The following FHOD1 variants were observed in gnomAD, a reference collection of about 807,000 sequenced individuals.
FHOD1 encodes the protein formin homology 2 domain containing 1.
Under a neutral mutation model 111.6 loss-of-function variants are expected in FHOD1, and 89 were observed. The ratio of observed to expected loss-of-function variants is 0.80; its 90% CI spans 0.67 to 0.95. The LOEUF is 0.95. Ranked by LOEUF, FHOD1 falls within the 40% of genes least tolerant of loss-of-function variation. The probability of loss-of-function intolerance (pLI) is 0.00; values close to 1 mark genes in which losing one functional copy is unlikely to be tolerated. For synonymous variants in FHOD1, 618 were observed against 639.0 expected, an observed-to-expected ratio of 0.97 and a Z score of 0.50; for missense variants, 1,446 against 1,554.2, an observed-to-expected ratio of 0.93 and a Z score of 1.17.
Position 67,239,419 on chromosome 16 carries a change from T to G in FHOD1, c.237A>C (p.Gly79=). 6.2e-7 allele frequency: 1 copy of G among 1,614,086 alleles called. No homozygotes were observed. The highest frequency in any genetic ancestry group is 8.5e-7 in the Non-Finnish European group (1 of 1,180,016). ...EDCALQVSPS[G]YYLDTELSLE... ...GGGACAGCTCGGTGTCCAGGTAGTA[T>G]CCGGAGGGAGACACTTGCAGAGCAC... Residue 79 remains glycine (G), a synonymous_variant, in exon 2 of 22, where the codon GGA becomes GGC. Coordinates refer to ENST00000258201, the MANE Select transcript of FHOD1 (RefSeq NM_013241.3).
rs1567387385 is a variant in FHOD1, at chr16:67,234,175, T to C, written c.1528A>G (p.Ser510Gly). ...APCVLLRAQR[S>G]LAPEPKEPLI... ...GGCTCCTTGGGCTCTGGTGCAAGGC[T>C]TCGCTGGGCCCGGAGCAGGACACAG... The change falls in exon 13 of 22, where the codon AGC becomes GGC. Residue 510 changes from serine (S) to glycine (G), a missense_variant. This residue lies in a region of FHOD1 where 1,085 missense variants were observed against 1,108.8 expected (regional missense o/e 0.98). Coordinates refer to ENST00000258201, the MANE Select transcript of FHOD1 (RefSeq NM_013241.3). The C allele has an allele frequency of 1.9e-6, 3 of 1,553,082 alleles. No individual in the cohort carries two copies. The highest frequency in any genetic ancestry group is 2.6e-6 in the Non-Finnish European group (3 of 1,147,542).
At chr16:67,240,873 G>A (rs1394123961) in intron 1 of FHOD1, among the ~76,000 whole-genome samples, 2 of 152,250 alleles carry the variant, frequency 1.3e-5, no homozygotes, top group African/African-American at 4.8e-5. Context: ...CTCTGGAGAG[G>A]CAGGGTGTCT....
chr16:67,245,617 C>T (rs894217703), intron 1 of FHOD1, among the ~76,000 whole-genome samples: 4 of 151,972 alleles, frequency 2.6e-5, no homozygotes, highest in Non-Finnish European at 5.9e-5. Flanking sequence ...TGGTGGCGCA[C>T]ACCTGTAATC....
At chr16:67,247,153 T>C in intron 1 of FHOD1, 57 bp downstream of exon 1, 1 of 1,459,720 alleles carries the variant, frequency 6.9e-7, no homozygotes, top group Non-Finnish European at 9.0e-7. Flanking sequence ...CCCACCAGTT[T>C]TCATGGCGCC....
chr16:67,236,359 A>G, intron 11 of FHOD1, 198 bp downstream of exon 11: 1 of 1,430,082 alleles, frequency 7.0e-7, no homozygotes, highest in Non-Finnish European at 9.1e-7. Flanking sequence ...AGGAAACCAC[A>G]GGAGGAGGAG....
In FHOD1 at chr16:67,234,199, A is replaced by AG; in HGVS notation, c.1503dup (p.Cys502LeufsTer26). On this transcript the variant is annotated frameshift_variant, in exon 13 of 22. Coordinates refer to ENST00000258201, the MANE Select transcript of FHOD1 (RefSeq NM_013241.3). LOFTEE classifies it high-confidence loss of function. ...CTTCGCTGGGCCCGGAGCAGGACAC[A>AG]GGGGGCAGGGCTCTGGGGTGTTCTG... is the stretch of plus-strand genomic sequence containing the variant. The AG allele has an allele frequency of 6.5e-7, 1 of 1,548,196 alleles. No homozygotes were observed. Among genetic ancestry groups the AG allele is most frequent in the South Asian group, 1.2e-5 (1 of 80,392 alleles).
chr16:67,238,827 A>G lies in FHOD1; in HGVS notation c.373+76T>C, dbSNP rs1224549145. Reference sequence around the variant, plus strand: ...GCTAAACCTACTTTGCTCACTGTTCAGCACAGGCCTGAAGGTGAGCCAACT... The same window carrying G: ...GCTAAACCTACTTTGCTCACTGTTCGGCACAGGCCTGAAGGTGAGCCAACT... On this transcript the variant is annotated intron_variant, in intron 3 of 21. Coordinates refer to ENST00000258201, the MANE Select transcript of FHOD1 (RefSeq NM_013241.3). The surrounding 1 kb of genome is among the most constrained non-coding windows in gnomAD (Gnocchi z 4.2). 2.0e-5 allele frequency: 28 copies of G among 1,430,410 alleles called. No individual in the cohort carries two copies. The highest frequency in any genetic ancestry group is 2.8e-5 in the Non-Finnish European group (28 of 1,012,428). The allele number at this position is 1,430,410 out of a possible 1,614,324, so 88.6% of individuals were successfully genotyped here.
chr16:67,237,378 A>G lies in FHOD1; in HGVS notation c.854T>C (p.Leu285Pro). Residue 285 changes from leucine to proline, a missense_variant, in exon 9 of 22, where the codon CTG becomes CCG. This residue lies in a region of FHOD1 where 234 missense variants were observed against 327.4 expected (regional missense o/e 0.71). Coordinates refer to ENST00000258201, the MANE Select transcript of FHOD1 (RefSeq NM_013241.3). This position sits in a 1 kb window ranked among gnomAD's most constrained non-coding sequence, Gnocchi z 5.6. ...VYTVTLINKT[L>P]AALPDQDSFY... ...GGAGTCCTGGTCCGGGAGCGCCGCCAGCGTCTGGAGGGCGGGGATAAGAAG... is the reference window on the plus strand; with the variant it reads ...GGAGTCCTGGTCCGGGAGCGCCGCCGGCGTCTGGAGGGCGGGGATAAGAAG... The G allele has an allele frequency of 2.5e-6, 4 of 1,613,810 alleles. No individual in the cohort carries two copies. Among genetic ancestry groups the G allele is most frequent in the Non-Finnish European group, 3.4e-6 (4 of 1,179,730 alleles).
intron 1 of FHOD1, among the ~76,000 whole-genome samples, chr16:67,242,686 G>GTC (rs2034700398): frequency 6.6e-6 from 1 of 152,054 alleles, no homozygotes; most frequent in African/African-American, 2.4e-5. Flanking sequence ...CACTTCTCTG[G>GTC]TCTCTGTCTT....
Position 67,238,064 on chromosome 16 carries a change from A to T in FHOD1, c.612T>A (p.Ile204=). The change falls in exon 6 of 22, where the codon ATT becomes ATA. Residue 204 remains isoleucine (I), a synonymous_variant. Coordinates refer to ENST00000258201, the MANE Select transcript of FHOD1 (RefSeq NM_013241.3). The surrounding 1 kb of genome is among the most constrained non-coding windows in gnomAD (Gnocchi z 4.2). Reference sequence around the variant, plus strand: ...TGGCACACAATGTGTACAGCCACTGAATAGTGTCACTGTGGGCCACCACCC... The same window carrying T: ...TGGCACACAATGTGTACAGCCACTGTATAGTGTCACTGTGGGCCACCACCC... ...MLGVVAHSDT[I]QWLYTLCASL... The T allele has an allele frequency of 6.2e-7, 1 of 1,614,210 alleles. No homozygotes were observed. Among genetic ancestry groups the T allele is most frequent in the Non-Finnish European group, 8.5e-7 (1 of 1,180,028 alleles).
Position 67,237,309 on chromosome 16 carries a change from G to A in FHOD1, c.923C>T (p.Ala308Val). The part of the protein sequence containing the change: ...TDALEQQGME[A>V]LVQRHLGTAG... ...AGTGCCCAGGTGGCGCTGGACCAGCGCTTCCATGCCCTGCTGCTCCAGTGC... is the reference window on the plus strand; with the variant it reads ...AGTGCCCAGGTGGCGCTGGACCAGCACTTCCATGCCCTGCTGCTCCAGTGC... The change falls in exon 9 of 22, where the codon GCG (alanine) becomes GTG (valine). Residue 308 changes from alanine (A) to valine (V), a missense_variant. By Grantham distance (64) the Ala-to-Val change is moderately conservative. Around this residue, in one of 3 missense-constraint regions of FHOD1, gnomAD observed 234 missense variants for 327.4 expected, o/e 0.71. Coordinates refer to ENST00000258201, the MANE Select transcript of FHOD1 (RefSeq NM_013241.3). The surrounding 1 kb of genome is among the most constrained non-coding windows in gnomAD (Gnocchi z 5.6). The A allele has an allele frequency of 1.2e-6, 2 of 1,614,006 alleles. No individual in the cohort carries two copies. The highest frequency in any genetic ancestry group is 1.7e-6 in the Non-Finnish European group (2 of 1,180,028).
chr16:67,230,020 C>T (rs1005111288), intron 20 of FHOD1, 30 bp from the exon 21 acceptor site: 17 of 1,612,988 alleles, frequency 1.1e-5, no homozygotes, highest in Middle Eastern at 3.3e-4. Context: ...AAAGTCAGGC[C>T]AAGGTGGCAC....
Position 67,238,802 on chromosome 16 carries a change from G to T in FHOD1, c.373+101C>A. The T allele has an allele frequency of 1.7e-6, 2 of 1,170,972 alleles. No homozygotes were observed. The highest frequency in any genetic ancestry group is 2.6e-6 in the Non-Finnish European group (2 of 778,982). 72.5% of individuals were successfully genotyped at this position (1,170,972 alleles called of 1,614,324 possible). A position where few individuals can be genotyped will look rare whatever the true frequency, so the allele number is the denominator to read the frequency against. On this transcript the variant is annotated intron_variant, in intron 3 of 21. Transcript: ENST00000258201. This position sits in a 1 kb window ranked among gnomAD's most constrained non-coding sequence, Gnocchi z 4.2. Reference sequence around the variant, plus strand: ...ATAGGGAGAGGAAGGAGCACATACAGCTAAACCTACTTTGCTCACTGTTCA... The same window carrying T: ...ATAGGGAGAGGAAGGAGCACATACATCTAAACCTACTTTGCTCACTGTTCA...
Position 67,237,060 on chromosome 16 carries a change from G to A in FHOD1, c.1048C>T (p.Arg350Trp). 1 of 1,613,052 alleles carries A rather than the reference G, an allele frequency of 6.2e-7. No individual in the cohort carries two copies. Among genetic ancestry groups the A allele is most frequent in the Non-Finnish European group, 8.5e-7 (1 of 1,179,732 alleles). ...GAAGAAGGCTTTCGTCGTTCCCGCC[G>A]CCCACCAGCGCCTGGGGCTTCTTCG... ...DIEEAPGAGG[R>W]RERRKPSSEE... The change falls in exon 10 of 22, where the codon CGG becomes TGG. Residue 350 changes from arginine to tryptophan, a missense_variant. By Grantham distance (101) the Arg-to-Trp change is moderately radical. Around this residue, in one of 3 missense-constraint regions of FHOD1, gnomAD observed 1,085 missense variants for 1,108.8 expected, o/e 0.98. Transcript: ENST00000258201. The surrounding 1 kb of genome is among the most constrained non-coding windows in gnomAD (Gnocchi z 5.6).
At chr16:67,243,624 A>G (rs962278826) in intron 1 of FHOD1, among the ~76,000 whole-genome samples, 5 of 152,160 alleles carry the variant, frequency 3.3e-5, no homozygotes, top group Non-Finnish European at 5.9e-5. Context: ...GCCAGGGCTA[A>G]TTGACCAAAT....
Position 67,239,468 on chromosome 16 carries a change from G to T in FHOD1, c.202-14C>A. ...ACAATCCTCCAACTGGGGGCAAAGG[G>T]AACAGCTGTGAGACTGAGGAAGAGG... On this transcript the variant is annotated splice_polypyrimidine_tract_variant and intron_variant, in intron 1 of 21. Transcript: ENST00000258201. 1.3e-6 allele frequency: 2 copies of T among 1,596,148 alleles called. No individual in the cohort carries two copies. The highest frequency in any genetic ancestry group is 1.7e-6 in the Non-Finnish European group (2 of 1,163,952).
rs2034177674 is a variant in FHOD1, at chr16:67,229,823, G to A, written c.3382C>T (p.Arg1128Cys). 7 of 1,614,210 alleles carry A rather than the reference G, an allele frequency of 4.3e-6. No individual in the cohort carries two copies. The highest frequency in any genetic ancestry group is 5.9e-6 in the Non-Finnish European group (7 of 1,180,036). ...TTGCGGTTGCCGCGGGAACGCTTGC[G>A]TTCCCTAGCAGCTAAGGCACGAGGA... ...SSPRALAARERKRSRGNRKSL... is the reference protein window; with the variant it reads ...SSPRALAARECKRSRGNRKSL... The change falls in exon 21 of 22, where the codon CGC becomes TGC. Residue 1128 changes from arginine (R) to cysteine (C), a missense_variant. By Grantham distance (180) the Arg-to-Cys change is radical (BLOSUM62 -3). This residue lies in a region of FHOD1 where 1,085 missense variants were observed against 1,108.8 expected (regional missense o/e 0.98). Coordinates refer to ENST00000258201, the MANE Select transcript of FHOD1 (RefSeq NM_013241.3).
Position 67,247,433 on chromosome 16 carries a change from G to T in FHOD1, c.-23C>A, listed in dbSNP as rs777865812. ...CATGGCTCTGCGGCCGGCTCACGCAGCGCGCCTCCGAGTCCCGGCCCCAGT... is the reference window on the plus strand; with the variant it reads ...CATGGCTCTGCGGCCGGCTCACGCATCGCGCCTCCGAGTCCCGGCCCCAGT... On this transcript the variant is annotated 5_prime_UTR_variant, in exon 1 of 22. The change creates a new upstream start codon in the 5' untranslated region. Coordinates refer to ENST00000258201, the MANE Select transcript of FHOD1 (RefSeq NM_013241.3). 3 of 1,609,800 alleles carry T rather than the reference G, an allele frequency of 1.9e-6. No individual in the cohort carries two copies. The highest frequency in any genetic ancestry group is 3.3e-4 in the Middle Eastern group (2 of 6,048).
chr16:67,237,903 C>A lies in FHOD1; in HGVS notation c.642+131G>T. 1 of 1,300,932 alleles carries A rather than the reference C, an allele frequency of 7.7e-7. No individual in the cohort carries two copies. The highest frequency in any genetic ancestry group is 1.3e-5 in the South Asian group (1 of 79,046). The allele number at this position is 1,300,932 out of a possible 1,614,324, so 80.6% of individuals were successfully genotyped here. ...GAATGACCCTGGCCCCAGGCCCAGG[C>A]ACTGAAGTGCCTTATAGGCTTACAG... is the stretch of plus-strand genomic sequence containing the variant. On this transcript the variant is annotated intron_variant, in intron 6 of 21. Coordinates refer to ENST00000258201, the MANE Select transcript of FHOD1 (RefSeq NM_013241.3). The surrounding 1 kb of genome is among the most constrained non-coding windows in gnomAD (Gnocchi z 5.6).
Sources: gnomAD v4.1 joint callset for allele counts (sites outside exome capture counted in the v4.1 genomes callset) on GRCh38, gnomAD v4.1.1 for gene constraint, gnomAD v4.1.1 regional missense constraint, Gnocchi (gnomAD v3.1) non-coding constraint, MANE v1.5 for transcripts, NCBI Gene and HGNC (gene_info 2026-07-23, HGNC 2026-07-21) for gene names.